Variants in ACO1 observed in about 807,000 individuals in gnomAD.
ACO1 encodes aconitase 1.
Under a neutral mutation model 105.1 loss-of-function variants are expected in ACO1, and 78 were observed. That is an observed-to-expected ratio of 0.74 (90% CI 0.62 to 0.90). The LOEUF (loss-of-function observed/expected upper bound fraction) is 0.90, where lower values mean the gene tolerates loss of function less well. Ranked by LOEUF, ACO1 falls within the 40% of genes least tolerant of loss-of-function variation. ACO1 has a pLI of 0.00. For missense variants in ACO1, 965 were observed against 1,111.1 expected (o/e 0.87, Z 1.87); for synonymous variants, 364 against 397.4 (o/e 0.92, Z 1.00).
At chr9:32,404,784 C>G (rs1324788537) in intron 1 of ACO1, among the ~76,000 whole-genome samples, 1 of 152,198 alleles carries the variant, frequency 6.6e-6, no homozygotes, top group African/African-American at 2.4e-5. Flanking sequence ...AGTGCCTCAC[C>G]TGGTGGCACT....
In ACO1 at chr9:32,449,100, A is replaced by G. The variant is rs1251157641; in HGVS notation, c.2556+19A>G. 1.3e-6 allele frequency: 2 copies of G among 1,576,386 alleles called. No individual in the cohort carries two copies. Among genetic ancestry groups the G allele is most frequent in the Non-Finnish European group, 8.6e-7 (1 of 1,161,426 alleles). ...GGTCAAGGTAAGCTGGAGCCTCTCTATGCCAGGCCCTGTCGAAAGGGGCCC... is the reference window on the plus strand; with the variant it reads ...GGTCAAGGTAAGCTGGAGCCTCTCTGTGCCAGGCCCTGTCGAAAGGGGCCC... On this transcript the variant is annotated intron_variant, in intron 20 of 20. Coordinates refer to ENST00000309951, the MANE Select transcript of ACO1 (RefSeq NM_002197.3).
chr9:32,401,517 A>G (rs542215872), intron 1 of ACO1, among the ~76,000 whole-genome samples: 2 of 152,250 alleles, frequency 1.3e-5, no homozygotes, highest in Admixed American at 1.3e-4. Flanking sequence ...TAAAAACTCA[A>G]CATTCTATGT....
intron 18 of ACO1, 26 bp from the exon 19 acceptor site, chr9:32,440,439 G>C (rs776638897): frequency 6.2e-7 from 1 of 1,612,890 alleles, no homozygotes; most frequent in Admixed American, 1.7e-5. Context: ...TCCTGCATCT[G>C]TAAAACTTCC....
In ACO1 at chr9:32,434,610, A is replaced by G. The variant is rs761310345; in HGVS notation, c.2008A>G (p.Asn670Asp). The stretch of plus-strand genomic sequence containing the variant: ...TATAGTGGATGCCTATGTGCTGCTA[A>G]ATTTGGGAGATTCGGTAACAACTGA... ...KSIVDAYVLL[N>D]LGDSVTTDHI... Residue 670 changes from asparagine (N) to aspartate (D), a missense_variant, in exon 17 of 21, where the codon AAT becomes GAT. By Grantham distance (23) the Asn-to-Asp change is conservative (BLOSUM62 1). Transcript: ENST00000309951. The G allele has an allele frequency of 6.2e-7, 1 of 1,614,116 alleles. No homozygotes were observed. The highest frequency in any genetic ancestry group is 1.1e-5 in the South Asian group (1 of 91,076).
At chr9:32,428,281 CAAAAAAAA>C (rs199515069) in intron 12 of ACO1, among the ~76,000 whole-genome samples, 2 of 110,642 alleles carry the variant, frequency 1.8e-5, no homozygotes, top group Non-Finnish European at 3.7e-5. Flanking sequence ...GACCCTGTCT[CAAAAAAAA>C]AAAAAAAAAA....
chr9:32,385,791 G>A (rs913225013), intron 1 of ACO1, among the ~76,000 whole-genome samples: 1 of 152,192 alleles, frequency 6.6e-6, no homozygotes, highest in Non-Finnish European at 1.5e-5. Flanking sequence ...TTATTACTAG[G>A]AAAATGGTTT....
rs1238511987 is a variant in ACO1 at position 32,450,964 on chromosome 9, C to CAGAACTGTACGGGTAT, written c.*855_*870dup. On this transcript the variant is annotated 3_prime_UTR_variant, in exon 21 of 21. Coordinates refer to ENST00000309951, the MANE Select transcript of ACO1 (RefSeq NM_002197.3). ...TATTCTCCCATTTTTACAACTCTAT[C>CAGAACTGTACGGGTAT]AGAACTGTACGGGTATAACGGAAAT... The CAGAACTGTACGGGTAT allele has an allele frequency of 6.6e-6, 1 of 152,008 alleles. No homozygotes were observed. Among genetic ancestry groups the CAGAACTGTACGGGTAT allele is most frequent in the Non-Finnish European group, 1.5e-5 (1 of 67,938 alleles). The allele number at this position is 152,008 out of a possible 1,614,324, so 9.4% of individuals were successfully genotyped here.
At chr9:32,449,751 C>T (rs991426312) in intron 20 of ACO1, among the ~76,000 whole-genome samples, 2 of 152,162 alleles carry the variant, frequency 1.3e-5, no homozygotes, top group Non-Finnish European at 2.9e-5. Context: ...GGCTCTCACC[C>T]CCATCATTTA....
rs1261007334 is a variant in ACO1 at position 32,384,716 on chromosome 9, G to T, written c.-42G>T. 2.4e-6 allele frequency: 1 copy of T among 412,038 alleles called. No homozygotes were observed. Among genetic ancestry groups the T allele is most frequent in the Non-Finnish European group, 4.8e-6 (1 of 207,208 alleles). The allele number at this position is 412,038 out of a possible 1,614,324, so 25.5% of individuals were successfully genotyped here. On this transcript the variant is annotated 5_prime_UTR_variant, in exon 1 of 21. Coordinates refer to ENST00000309951, the MANE Select transcript of ACO1 (RefSeq NM_002197.3). ...TGGGTCAGGTTCGCCGGTCGCGGGA[G>T]CCCCGCCGTGCAGTCGGAGGTGAGT...
intron 9 of ACO1, 46 bp downstream of exon 9, chr9:32,423,465 G>C (rs758782987): frequency 1.5e-6 from 2 of 1,338,590 alleles, no homozygotes; most frequent in South Asian, 1.3e-5. Flanking sequence ...CTTCCTCAAG[G>C]CTGCGATTTT....
chr9:32,443,802 A>G (rs1467174920), intron 19 of ACO1, among the ~76,000 whole-genome samples: 3 of 152,168 alleles, frequency 2.0e-5, no homozygotes. Flanking sequence ...AATATATGCA[A>G]ACATTTTTGT....
In ACO1 at chr9:32,449,036, C is replaced by T. The variant is rs1390125778; in HGVS notation, c.2511C>T (p.Ile837=). ...LGLTGQERYT[I]IIPENLKPQM... is the part of the protein sequence containing the mutation. ...TCACAGGGCAAGAACGATACACTAT[C>T]ATTATTCCAGAAAACCTCAAACCAC... Residue 837 remains isoleucine (I), a synonymous_variant, in exon 20 of 21, where the codon ATC becomes ATT. Coordinates refer to ENST00000309951, the MANE Select transcript of ACO1 (RefSeq NM_002197.3). The T allele has an allele frequency of 6.2e-7, 1 of 1,611,870 alleles. No individual in the cohort carries two copies. The highest frequency in any genetic ancestry group is 8.5e-7 in the Non-Finnish European group (1 of 1,178,386).
chr9:32,396,596 C>T (rs1048900626), intron 1 of ACO1, among the ~76,000 whole-genome samples: 2 of 152,186 alleles, frequency 1.3e-5, no homozygotes, highest in Non-Finnish European at 2.9e-5. Flanking sequence ...GGCTGAACAT[C>T]AGTGAGGCCT....
intron 3 of ACO1, among the ~76,000 whole-genome samples, chr9:32,408,086 A>G (rs1587523744): frequency 6.6e-6 from 1 of 152,236 alleles, no homozygotes; most frequent in Non-Finnish European, 1.5e-5. Context: ...TTTGATTCAC[A>G]GCCAACTTTT....
intron 19 of ACO1, among the ~76,000 whole-genome samples, chr9:32,442,865 A>C (rs1423545765): frequency 6.6e-6 from 1 of 152,206 alleles, no homozygotes. Flanking sequence ...AAGGGCATCT[A>C]CATCCCCGGG....
chr9:32,447,337 T>G (rs1207422637), intron 19 of ACO1, among the ~76,000 whole-genome samples: 1 of 152,228 alleles, frequency 6.6e-6, no homozygotes, highest in Non-Finnish European at 1.5e-5. Context: ...TCTGATATCT[T>G]TTCTTCCACT....
At chr9:32,418,585 C>T (rs934245773) in intron 6 of ACO1, 74 bp downstream of exon 6, 2 of 1,442,814 alleles carry the variant, frequency 1.4e-6, no homozygotes, top group African/African-American at 1.4e-5. Context: ...ATCTCAGTAA[C>T]ATGAATTTAC....
intron 1 of ACO1, among the ~76,000 whole-genome samples, chr9:32,393,974 A>C (rs1362567623): frequency 6.6e-6 from 1 of 152,152 alleles, no homozygotes; most frequent in African/African-American, 2.4e-5. Flanking sequence ...CTCATCTTAA[A>C]GATTGCAGCT....
chr9:32,404,969 C>T (rs1346742764), intron 1 of ACO1, among the ~76,000 whole-genome samples: 2 of 152,202 alleles, frequency 1.3e-5, no homozygotes, highest in South Asian at 2.1e-4. Flanking sequence ...AACACAGTTA[C>T]GGTGTATTCC....
Sources: gnomAD v4.1 joint callset for allele counts (sites outside exome capture counted in the v4.1 genomes callset) on GRCh38, gnomAD v4.1.1 for gene constraint, MANE v1.5 for transcripts, NCBI Gene and HGNC (gene_info 2026-07-23, HGNC 2026-07-21) for gene names.